Variants in TNS3 observed in about 807,000 individuals in gnomAD.
TNS3 encodes tensin 3.
A neutral mutation model predicts 140.9 loss-of-function variants in TNS3; 45 were observed. The ratio of observed to expected loss-of-function variants is 0.32; its 90% confidence interval spans 0.25 to 0.41. The LOEUF (loss-of-function observed/expected upper bound fraction) is 0.41. Among genes scored for constraint, TNS3 ranks in the 10% least tolerant of loss-of-function variants. The pLI is 1.00. For synonymous variants in TNS3, 815 were observed against 788.4 expected (o/e 1.03, Z -0.56); for missense variants, 1,716 against 1,906.7 (o/e 0.90, Z 1.86).
At chr7:47,471,429 G>A (rs1043597510) in intron 4 of TNS3, among the ~76,000 whole-genome samples, 9 of 151,400 alleles carry the variant, frequency 5.9e-5, no homozygotes, top group Admixed American at 2.6e-4. Flanking sequence ...CACCCATGGA[G>A]TCATTCAGGA....
intron 4 of TNS3, among the ~76,000 whole-genome samples, chr7:47,475,976 G>C (rs1797181829): frequency 6.6e-6 from 1 of 152,142 alleles, no homozygotes; most frequent in South Asian, 2.1e-4. Flanking sequence ...CATCAGACTG[G>C]TTCTCTCCAT....
intron 15 of TNS3, among the ~76,000 whole-genome samples, chr7:47,398,304 C>T (rs146404325): frequency 5.4e-4 from 82 of 152,144 alleles, no homozygotes; most frequent in Non-Finnish European, 8.4e-4. Context: ...CCCTAACTAA[C>T]TCATTCTATG....
chr7:47,369,986 A>G lies in TNS3; in HGVS notation c.1025-365T>C, dbSNP rs548510107. On this transcript the variant is annotated intron_variant, in intron 16 of 30. Transcript: ENST00000311160. ...CGGCTTGGATCATAAATCCCCAAGAATGGACTGTTCATCTTAGACAAGAAG... is the reference window on the plus strand; with the variant it reads ...CGGCTTGGATCATAAATCCCCAAGAGTGGACTGTTCATCTTAGACAAGAAG... Among the ~76,000 whole-genome samples, 8 of 152,336 alleles carry G rather than the reference A, an allele frequency of 5.3e-5. No individual in the cohort carries two copies. The South Asian group carries it at 1.7e-3, about 32-fold the overall frequency.
At chr7:47,305,660 C>T (rs546448821) in intron 20 of TNS3, among the ~76,000 whole-genome samples, 4 of 152,388 alleles carry the variant, frequency 2.6e-5, no homozygotes, top group South Asian at 2.1e-4. Flanking sequence ...TGGGCCAGAA[C>T]GCAAACCTGC....
chr7:47,448,605 G>A (rs1441655052), intron 4 of TNS3, among the ~76,000 whole-genome samples: 2 of 150,460 alleles, frequency 1.3e-5, no homozygotes, highest in Non-Finnish European at 2.9e-5. Flanking sequence ...TCAGCCTCCC[G>A]AGTAGCTAGG....
At chr7:47,348,860 G>A (rs759419911) in intron 17 of TNS3, among the ~76,000 whole-genome samples, 1 of 152,224 alleles carries the variant, frequency 6.6e-6, no homozygotes, top group Non-Finnish European at 1.5e-5. Flanking sequence ...AGCTGCACTC[G>A]AAGGCACAAC....
At chr7:47,316,554 G>GTT (rs113062808) in intron 20 of TNS3, among the ~76,000 whole-genome samples, 2 of 143,100 alleles carry the variant, frequency 1.4e-5, no homozygotes, top group African/African-American at 5.1e-5. Context: ...GTTTGTTTTT[G>GTT]TTTTTTTTTT....
At chr7:47,432,481 T>C (rs981904524) in intron 8 of TNS3, among the ~76,000 whole-genome samples, 1 of 152,188 alleles carries the variant, frequency 6.6e-6, no homozygotes, top group South Asian at 2.1e-4. Context: ...TTCCTTTTCT[T>C]TACAAATTAC....
intron 13 of TNS3, among the ~76,000 whole-genome samples, chr7:47,403,904 A>G (rs553823468): frequency 6.6e-6 from 1 of 152,378 alleles, no homozygotes; most frequent in East Asian, 1.9e-4. Flanking sequence ...GGTACTTGGT[A>G]CGAGGGCCCC....
At chr7:47,428,757 G>A (rs953925359) in intron 8 of TNS3, among the ~76,000 whole-genome samples, 13 of 152,198 alleles carry the variant, frequency 8.5e-5, no homozygotes, top group African/African-American at 2.4e-4. Flanking sequence ...GCCTGCTCAC[G>A]GGCTGACAAT....
At chr7:47,301,056 CA>C (rs1786372089) in intron 23 of TNS3, among the ~76,000 whole-genome samples, 1 of 152,128 alleles carries the variant, frequency 6.6e-6, no homozygotes, top group African/African-American at 2.4e-5. Flanking sequence ...ATTTTTCTGC[CA>C]CTCAACTATT....
At chr7:47,523,785 C>T (rs1363273110) in intron 2 of TNS3, among the ~76,000 whole-genome samples, 1 of 152,226 alleles carries the variant, frequency 6.6e-6, no homozygotes, top group Non-Finnish European at 1.5e-5. Flanking sequence ...CAGCTTCTGC[C>T]AGTTCTCTCT....
chr7:47,425,035 T>C (rs918137889), intron 9 of TNS3, among the ~76,000 whole-genome samples: 4 of 152,122 alleles, frequency 2.6e-5, no homozygotes, highest in Non-Finnish European at 5.9e-5. Context: ...AAAACCCTGA[T>C]AGGCTGGGTG....
chr7:47,477,175 T>C (rs1426757712), intron 4 of TNS3, among the ~76,000 whole-genome samples: 2 of 152,158 alleles, frequency 1.3e-5, no homozygotes, highest in East Asian at 3.9e-4. Context: ...GCAAGGCTCA[T>C]CACTGCCTTC....
rs767271928 is a variant in TNS3 at position 47,283,822 on chromosome 7, G to A, written c.3972C>T (p.Leu1324=). ...CCTTCTGGATCGCCTGGTGGCCGGT[G>A]AGGGACTCCATCTCCACAGAGTTCA... is the stretch of plus-strand genomic sequence containing the variant. The part of the protein sequence containing the change: ...WYLNSVEMES[L]TGHQAIQKAL... The change falls in exon 28 of 31, where the codon CTC becomes CTT. Residue 1324 remains leucine, a synonymous_variant. Coordinates refer to ENST00000311160, the MANE Select transcript of TNS3 (RefSeq NM_022748.12). 5 of 1,610,788 alleles carry A rather than the reference G, an allele frequency of 3.1e-6. No individual in the cohort carries two copies. Among genetic ancestry groups the A allele is most frequent in the East Asian group, 4.5e-5 (2 of 44,656 alleles).
chr7:47,431,093 C>T (rs957327901), intron 8 of TNS3, among the ~76,000 whole-genome samples: 2 of 151,988 alleles, frequency 1.3e-5, no homozygotes, highest in African/African-American at 4.8e-5. Flanking sequence ...GGAAAATTCA[C>T]AAGTTTATGG....
At chr7:47,452,784 T>A (rs759499809) in intron 4 of TNS3, 61 of 344,270 alleles carry the variant, frequency 1.8e-4, no homozygotes, top group Non-Finnish European at 2.5e-4. Flanking sequence ...ATCTGCAGCA[T>A]TGAAGTGAAA....
chr7:47,487,104 A>G (rs1797639606), intron 3 of TNS3, among the ~76,000 whole-genome samples: 1 of 152,044 alleles, frequency 6.6e-6, no homozygotes, highest in Non-Finnish European at 1.5e-5. Flanking sequence ...CTCGAGACCA[A>G]CCTGGTCAAC....
At position 47,337,208 on chromosome 7, in the gene TNS3, T is replaced by G. The variant is rs1788683626; in HGVS notation, c.2650+7547A>C. ...TATTCCTCGGTCATAAATCTCCAGC[T>G]GTCTTTGCTGCATTTGGGGCTGAGC... On this transcript the variant is annotated intron_variant, in intron 20 of 30. Coordinates refer to ENST00000311160, the MANE Select transcript of TNS3 (RefSeq NM_022748.12). 2.0e-5 allele frequency among the ~76,000 whole-genome samples: 3 copies of G among 152,242 alleles called. No homozygotes were observed. The South Asian group carries it at 6.2e-4, about 31-fold the overall frequency.
Sources: gnomAD v4.1 joint callset for allele counts (sites outside exome capture counted in the v4.1 genomes callset) on GRCh38, gnomAD v4.1.1 for gene constraint, MANE v1.5 for transcripts, NCBI Gene and HGNC (gene_info 2026-07-23, HGNC 2026-07-21) for gene names.